AKAP7: variants seen among roughly 807,000 people sequenced by gnomAD.
The protein encoded by AKAP7 is A-kinase anchoring protein 7.
AKAP7 carries 39 observed loss-of-function variants against 39.5 expected under a neutral mutation model. The observed-to-expected ratio is 0.99, with a 90% CI of 0.76 to 1.29. The LOEUF (loss-of-function observed/expected upper bound fraction) is 1.29. AKAP7 is among the 50% of genes most tolerant of loss of function. The pLI is 0.00. For synonymous variants in AKAP7, 140 were observed against 139.1 expected, an observed-to-expected ratio of 1.01 and a Z score of -0.05; for missense variants, 414 against 407.7, an observed-to-expected ratio of 1.02 and a Z score of -0.13.
intron 7 of AKAP7, among the ~76,000 whole-genome samples, chr6:131,279,190 T>A (rs1227068815): frequency 6.6e-6 from 1 of 152,188 alleles, no homozygotes; most frequent in East Asian, 1.9e-4. Context: ...CAAAGATGGC[T>A]ACAATCTCGT....
At chr6:131,250,785 A>G (rs957092463) in intron 7 of AKAP7, among the ~76,000 whole-genome samples, 5 of 150,064 alleles carry the variant, frequency 3.3e-5, no homozygotes, top group Non-Finnish European at 6.0e-5. Context: ...TTACAAATTA[A>G]CTGTAAAAGT....
the AKAP7 span, among the ~76,000 whole-genome samples, chr6:131,129,739 G>A: frequency 6.6e-6 from 1 of 152,168 alleles, no homozygotes; most frequent in Admixed American, 6.5e-5. Flanking sequence ...AAGCTTACAT[G>A]TTAAACACAT....
At chr6:131,129,552 A>G in the AKAP7 span, among the ~76,000 whole-genome samples, 1 of 152,214 alleles carries the variant, frequency 6.6e-6, no homozygotes, top group Admixed American at 6.5e-5. Flanking sequence ...ATAAAACAAC[A>G]TGTTACTTAC....
At chr6:131,163,862 G>A (rs1803223020) in intron 3 of AKAP7, among the ~76,000 whole-genome samples, 1 of 152,012 alleles carries the variant, frequency 6.6e-6, no homozygotes, top group African/African-American at 2.4e-5. Context: ...CAAGGGTGGG[G>A]GATTTCTTGA....
intron 7 of AKAP7, among the ~76,000 whole-genome samples, chr6:131,239,640 G>A (rs1166299138): frequency 2.6e-5 from 4 of 151,842 alleles, no homozygotes; most frequent in East Asian, 3.9e-4. Context: ...TTCTCTTCTC[G>A]CTTCATTTCA....
Position 131,219,733 on chromosome 6 carries a change from C to A in AKAP7, c.775C>A (p.Arg259Ser), listed in dbSNP as rs147577265. The A allele has an allele frequency of 1.9e-6, 3 of 1,594,184 alleles. No homozygotes were observed. The highest frequency in any genetic ancestry group is 2.3e-5 in the East Asian group (1 of 43,640). ...CAGATTTGGAGAAGAAATATTATAT[C>A]GCATAGATCTTTGCTCCATGCTGAA... is the stretch of plus-strand genomic sequence containing the variant. The part of the protein sequence containing the change: ...SHRFGEEILY[R>S]IDLCSMLKKK... Residue 259 changes from arginine (R) to serine (S), a missense_variant, in exon 7 of 8, where the codon CGC becomes AGC. By Grantham distance (110) the Arg-to-Ser change is moderately radical. Coordinates refer to ENST00000431975, the MANE Select transcript of AKAP7 (RefSeq NM_016377.4).
In AKAP7 at chr6:131,202,369, A is replaced by C. The variant is rs1185055909; in HGVS notation, c.702+2796A>C. Reference sequence around the variant, plus strand: ...AGACTTGGAACCAACCCAAATGTCCAACAATGATAGACTGGATTAAGAAAA... The same window carrying C: ...AGACTTGGAACCAACCCAAATGTCCCACAATGATAGACTGGATTAAGAAAA... On this transcript the variant is annotated intron_variant, in intron 6 of 7. Transcript: ENST00000431975. Among the ~76,000 whole-genome samples the C allele has an allele frequency of 1.1e-4, 16 of 145,650 alleles. No homozygotes were observed. In the Admixed American group the frequency reaches 1.1e-3, roughly 10 times the overall value.
At chr6:131,235,706 T>A (rs1361143515) in intron 7 of AKAP7, among the ~76,000 whole-genome samples, 1 of 152,254 alleles carries the variant, frequency 6.6e-6, no homozygotes. Context: ...ATAAATGTCT[T>A]CTTTTGAGAA....
Position 131,247,297 on chromosome 6 carries a change from A to G in AKAP7, c.850+27489A>G, listed in dbSNP as rs371278991. On this transcript the variant is annotated intron_variant, in intron 7 of 7. Coordinates refer to ENST00000431975, the MANE Select transcript of AKAP7 (RefSeq NM_016377.4). The stretch of plus-strand genomic sequence containing the variant: ...TATATATATATATATATATATATAT[A>G]TATATATATATATATATGTTTTTTT... Among the ~76,000 whole-genome samples, 39 of 84,978 alleles carry G rather than the reference A, an allele frequency of 4.6e-4. 1 individual carries two copies. Among genetic ancestry groups the G allele is most frequent in the African/African-American group, 1.7e-3 (31 of 18,636 alleles). The allele number at this position is 84,978 out of a possible 152,430, so 55.7% of individuals were successfully genotyped here. A position where few individuals can be genotyped will look rare whatever the true frequency, so the allele number is the denominator to read the frequency against.
chr6:131,159,371 G>C (rs977732099), intron 2 of AKAP7, among the ~76,000 whole-genome samples: 1 of 152,130 alleles, frequency 6.6e-6, no homozygotes, highest in Non-Finnish European at 1.5e-5. Flanking sequence ...GGGATTACAG[G>C]CGTGAGCCAC....
chr6:131,226,615 A>G (rs1372500198), intron 7 of AKAP7, among the ~76,000 whole-genome samples: 1 of 152,236 alleles, frequency 6.6e-6, no homozygotes, highest in Non-Finnish European at 1.5e-5. Flanking sequence ...GCTGTGTTCC[A>G]TTTGTATTTC....
chr6:131,161,534 A>C (rs1802946929), intron 3 of AKAP7, among the ~76,000 whole-genome samples: 1 of 151,070 alleles, frequency 6.6e-6, no homozygotes, highest in Admixed American at 6.6e-5. Flanking sequence ...GGTCCTAGCT[A>C]CTTGGGAGGC....
chr6:131,173,909 C>T (rs1430287645), intron 5 of AKAP7, among the ~76,000 whole-genome samples: 1 of 152,152 alleles, frequency 6.6e-6, no homozygotes, highest in Non-Finnish European at 1.5e-5. Flanking sequence ...TGCAAATATT[C>T]TCACAAAGGC....
Position 131,152,165 on chromosome 6 carries a change from AT to A in AKAP7, c.151+6752del, listed in dbSNP as rs371115643. Among the ~76,000 whole-genome samples, 319 of 152,348 alleles carry A rather than the reference AT, an allele frequency of 2.1e-3. 1 individual carries two copies. The highest frequency in any genetic ancestry group is 3.3e-3 in the Non-Finnish European group (227 of 68,036). On this transcript the variant is annotated intron_variant, in intron 2 of 7. Coordinates refer to ENST00000431975, the MANE Select transcript of AKAP7 (RefSeq NM_016377.4). ...AAAATTAACAAGTGGAATAAATTAA[AT>A]TTGTAAGATGGGTTTATGAGCTGTA...
intron 7 of AKAP7, among the ~76,000 whole-genome samples, chr6:131,244,317 G>T (rs932877509): frequency 6.6e-6 from 1 of 152,146 alleles, no homozygotes; most frequent in Non-Finnish European, 1.5e-5. Flanking sequence ...TACTCTGGTG[G>T]CACCCGTTGA....
intron 7 of AKAP7, among the ~76,000 whole-genome samples, chr6:131,269,604 A>G (rs1031709797): frequency 6.6e-6 from 1 of 152,206 alleles, no homozygotes; most frequent in Non-Finnish European, 1.5e-5. Flanking sequence ...ACAAACTGCC[A>G]TGAGCACAGT....
At chr6:131,268,507 T>C (rs1157625569) in intron 7 of AKAP7, among the ~76,000 whole-genome samples, 3 of 152,240 alleles carry the variant, frequency 2.0e-5, no homozygotes, top group African/African-American at 7.2e-5. Context: ...GTTAGTGAGC[T>C]GGCATCATGG....
intron 3 of AKAP7, among the ~76,000 whole-genome samples, chr6:131,160,936 A>G (rs557191674): frequency 6.6e-6 from 1 of 152,274 alleles, no homozygotes; most frequent in Non-Finnish European, 1.5e-5. Context: ...GGTAGGAATT[A>G]AAATCCCTCA....
intron 7 of AKAP7, among the ~76,000 whole-genome samples, chr6:131,232,667 C>T (rs950465737): frequency 1.3e-5 from 2 of 152,020 alleles, no homozygotes; most frequent in Non-Finnish European, 2.9e-5. Context: ...AAGAATTAGC[C>T]AGGCAATCCC....
Sources: gnomAD v4.1 joint callset for allele counts (sites outside exome capture counted in the v4.1 genomes callset) on GRCh38, gnomAD v4.1.1 for gene constraint, MANE v1.5 for transcripts, NCBI Gene and HGNC (gene_info 2026-07-23, HGNC 2026-07-21) for gene names.